NCKAP5: variants seen among roughly 807,000 people sequenced by gnomAD.
NCKAP5 encodes the protein NCK associated protein 5, also known as nck-associated protein 5.
Under a neutral mutation model 167.0 loss-of-function variants are expected in NCKAP5, and 92 were observed. The observed-to-expected ratio is 0.55, with a 90% CI of 0.47 to 0.66. The LOEUF (loss-of-function observed/expected upper bound fraction) is 0.66. NCKAP5 is among the 30% of genes least tolerant of loss of function. NCKAP5 has a pLI of 0.00. For missense variants in NCKAP5, 2,378 were observed against 2,315.0 expected (o/e 1.03, Z -0.56); for synonymous variants, 891 against 877.4 (o/e 1.02, Z -0.27).
chr2:133,140,483 T>G (rs892071940), intron 5 of NCKAP5, among the ~76,000 whole-genome samples: 1 of 152,118 alleles, frequency 6.6e-6, no homozygotes, highest in Non-Finnish European at 1.5e-5. Context: ...TCTCTCGTTG[T>G]TCTCTGTTAT....
intron 8 of NCKAP5, among the ~76,000 whole-genome samples, chr2:132,926,390 T>C (rs565307130): frequency 1.3e-5 from 2 of 152,318 alleles, no homozygotes; most frequent in South Asian, 4.1e-4. Flanking sequence ...AGATACCCAG[T>C]AGTGGAATTG....
At chr2:133,039,325 T>C (rs1256479542) in intron 6 of NCKAP5, among the ~76,000 whole-genome samples, 4 of 152,172 alleles carry the variant, frequency 2.6e-5, no homozygotes, top group African/African-American at 9.7e-5. Context: ...GAGGTAATAT[T>C]TTAGGTGATG....
rs372169421 is a variant in NCKAP5 at position 133,170,460 on chromosome 2, A to G, written c.208-40349T>C. ...TTGTCATCATCATCCATAGTATACT[A>G]TGGTTTCTATCATTGTGAGTTCCCA... On this transcript the variant is annotated intron_variant, in intron 5 of 19. Transcript: ENST00000409261. Among the ~76,000 whole-genome samples, 15 of 152,334 alleles carry G rather than the reference A, an allele frequency of 9.8e-5. No homozygotes were observed. In the South Asian group the frequency reaches 2.7e-3, roughly 27 times the overall value.
chr2:132,810,357 C>A (rs1685771002), intron 11 of NCKAP5, among the ~76,000 whole-genome samples: 1 of 152,176 alleles, frequency 6.6e-6, no homozygotes, highest in Non-Finnish European at 1.5e-5. Flanking sequence ...ATTATTCCCC[C>A]AAATATGTTT....
Position 132,718,546 on chromosome 2 carries a change from G to A in NCKAP5, c.5713+7081C>T, listed in dbSNP as rs537226447. 1.4e-4 allele frequency among the ~76,000 whole-genome samples: 22 copies of A among 152,290 alleles called. 1 individual carries two copies. In the South Asian group the frequency reaches 4.4e-3, roughly 30 times the overall value. Reference sequence around the variant, plus strand: ...ATATGCCTGCAACAGCCTCCATGAAGTTTCATCATTGAAGAGTAAACTAAA... The same window carrying A: ...ATATGCCTGCAACAGCCTCCATGAAATTTCATCATTGAAGAGTAAACTAAA... On this transcript the variant is annotated intron_variant, in intron 19 of 19. Coordinates refer to ENST00000409261, the MANE Select transcript of NCKAP5 (RefSeq NM_207363.3).
chr2:132,901,199 G>A lies in NCKAP5; in HGVS notation c.580-22283C>T, dbSNP rs115576757. ...GAATCTGTGCCCAATTATTGGGAGA[G>A]ACAAACTTTGCAGAGCATATTCCCT... On this transcript the variant is annotated intron_variant, in intron 8 of 19. Transcript: ENST00000409261. Among the ~76,000 whole-genome samples the A allele has an allele frequency of 5.4e-3, 827 of 152,284 alleles. 9 individuals carry two copies. The highest frequency in any genetic ancestry group is 0.019 in the African/African-American group (777 of 41,550).
chr2:133,169,726 C>T (rs184661031), intron 5 of NCKAP5, among the ~76,000 whole-genome samples: 6 of 152,306 alleles, frequency 3.9e-5, no homozygotes, highest in East Asian at 1.9e-4. Flanking sequence ...AAGAGTGCTA[C>T]GCAGAGCAGT....
At chr2:133,300,026 A>G in intron 4 of NCKAP5, among the ~76,000 whole-genome samples, 1 of 144,146 alleles carries the variant, frequency 6.9e-6, no homozygotes, top group Admixed American at 6.9e-5. Context: ...TAGAAAATCT[A>G]GAAGAAATGG....
At chr2:132,834,501 T>A (rs1023182486) in intron 11 of NCKAP5, among the ~76,000 whole-genome samples, 4 of 152,096 alleles carry the variant, frequency 2.6e-5, no homozygotes, top group African/African-American at 9.7e-5. Context: ...CCCACCACCA[T>A]GCCTGGCTAT....
chr2:133,450,604 C>A (rs1439992914), intron 3 of NCKAP5, among the ~76,000 whole-genome samples: 2 of 152,094 alleles, frequency 1.3e-5, no homozygotes, highest in African/African-American at 4.8e-5. Flanking sequence ...AAATATATAT[C>A]CAACAACTTT....
intron 11 of NCKAP5, among the ~76,000 whole-genome samples, chr2:132,858,663 A>G (rs1449851782): frequency 6.6e-6 from 1 of 152,180 alleles, no homozygotes; most frequent in Non-Finnish European, 1.5e-5. Flanking sequence ...CATCTTTTAT[A>G]AATATTATTT....
At chr2:133,279,160 T>C (rs1307131414) in intron 4 of NCKAP5, among the ~76,000 whole-genome samples, 2 of 152,196 alleles carry the variant, frequency 1.3e-5, no homozygotes, top group Non-Finnish European at 1.5e-5. Context: ...CTTTTTGGAG[T>C]TAACCCTGAA....
chr2:132,784,520 A>C lies in NCKAP5; in HGVS notation c.2291T>G (p.Val764Gly). 1.3e-6 allele frequency: 2 copies of C among 1,568,514 alleles called. No individual in the cohort carries two copies. Among genetic ancestry groups the C allele is most frequent in the Middle Eastern group, 1.7e-4 (1 of 5,800 alleles). The change falls in exon 14 of 20, where the codon GTG (valine) becomes GGG (glycine). Residue 764 changes from valine to glycine, a missense_variant. Val to Gly is a moderately radical substitution (Grantham distance 109, BLOSUM62 -3). This residue lies in a region of NCKAP5 where 1,049 missense variants were observed against 1,023.4 expected (regional missense o/e 1.02). Transcript: ENST00000409261. ...VSTESFSSRT[V>G]TQNPQQQKLV... is the part of the protein sequence containing the mutation. ...CTTTTGCTGCTGAGGATTTTGTGTC[A>C]CTGTCCTGGAGCTGAAAGATTCAGT... is the stretch of plus-strand genomic sequence containing the variant.
the NCKAP5 span, among the ~76,000 whole-genome samples, chr2:133,672,596 C>A: frequency 2.0e-5 from 3 of 152,078 alleles, no homozygotes; most frequent in Non-Finnish European, 4.4e-5. Context: ...TTTAAAGAAC[C>A]CAATAGTAAA....
At chr2:133,192,818 G>C (rs76227133) in intron 5 of NCKAP5, among the ~76,000 whole-genome samples, 5,070 of 152,110 alleles carry the variant, frequency 0.033, 131 homozygotes, top group Non-Finnish European at 0.055. Flanking sequence ...AATGTCAAGT[G>C]GTACAGCTGC....
intron 3 of NCKAP5, among the ~76,000 whole-genome samples, chr2:133,429,013 G>A (rs1277115424): frequency 6.6e-6 from 1 of 152,044 alleles, no homozygotes; most frequent in East Asian, 1.9e-4. Context: ...TCACTTTTAG[G>A]AATCTCTCCT....
chr2:132,958,799 T>C (rs2076416508), intron 8 of NCKAP5, among the ~76,000 whole-genome samples: 1 of 152,128 alleles, frequency 6.6e-6, no homozygotes, highest in South Asian at 2.1e-4. Flanking sequence ...AAATGGCTGA[T>C]GTCAGAGGTC....
At chr2:133,447,590 G>A (rs1211582642) in intron 3 of NCKAP5, among the ~76,000 whole-genome samples, 4 of 95,914 alleles carry the variant, frequency 4.2e-5, no homozygotes, top group African/African-American at 8.2e-5. Context: ...TTCCCCTTCC[G>A]TTCCCTTCCT....
intron 6 of NCKAP5, among the ~76,000 whole-genome samples, chr2:133,072,789 T>C (rs553831012): frequency 6.6e-6 from 1 of 152,158 alleles, no homozygotes; most frequent in Non-Finnish European, 1.5e-5. Context: ...GTTTCAAAAA[T>C]TGAACCAAGT....
Sources: gnomAD v4.1 joint callset for allele counts (sites outside exome capture counted in the v4.1 genomes callset) on GRCh38, gnomAD v4.1.1 for gene constraint, gnomAD v4.1.1 regional missense constraint, MANE v1.5 for transcripts, NCBI Gene and HGNC (gene_info 2026-07-23, HGNC 2026-07-21) for gene names.